The following CTNNA3 variants were observed in gnomAD, a reference collection of about 807,000 sequenced individuals.
CTNNA3 encodes catenin alpha-3.
Under a neutral mutation model 95.7 loss-of-function variants are expected in CTNNA3, and 76 were observed. That is an observed-to-expected ratio of 0.79 (90% CI 0.66 to 0.96). The LOEUF (loss-of-function observed/expected upper bound fraction) is 0.96. CTNNA3 is among the 40% of genes least tolerant of loss of function. CTNNA3 has a pLI of 0.00. For synonymous variants in CTNNA3, 431 were observed against 374.4 expected (o/e 1.15, Z -1.74); for missense variants, 1,191 against 1,089.8 (o/e 1.09, Z -1.31).
At chr10:66,610,172 A>G (rs779901876) in intron 10 of CTNNA3, among the ~76,000 whole-genome samples, 6 of 152,070 alleles carry the variant, frequency 3.9e-5, no homozygotes, top group Non-Finnish European at 5.9e-5. Context: ...CCTGGGTGAC[A>G]AAATAATCTC....
intron 11 of CTNNA3, among the ~76,000 whole-genome samples, chr10:66,384,283 C>A (rs1013150396): frequency 6.6e-6 from 1 of 152,048 alleles, no homozygotes; most frequent in African/African-American, 2.4e-5. Flanking sequence ...CAAAAAAAAG[C>A]AGGGGTTGCA....
In CTNNA3 at chr10:66,927,250, A is replaced by C. The variant is rs749668716; in HGVS notation, c.1048-151726T>G. The C allele has an allele frequency of 1.2e-6, 2 of 1,614,160 alleles. No homozygotes were observed. On this transcript the variant is annotated intron_variant, in intron 7 of 17. Coordinates refer to ENST00000433211, the MANE Select transcript of CTNNA3 (RefSeq NM_013266.4). This position sits in a 1 kb window ranked among gnomAD's most constrained non-coding sequence, Gnocchi z 4.7. ...TGCTTTTAATGGAATACGCAGACTC[A>C]AAGAGCTGATTCTTAGTTCCAATAG...
chr10:65,949,068 T>C (rs1158068979), intron 17 of CTNNA3, among the ~76,000 whole-genome samples: 1 of 100,834 alleles, frequency 9.9e-6, no homozygotes, highest in East Asian at 3.1e-4. Flanking sequence ...ACAAACTCTA[T>C]TTATGAAATA....
intron 11 of CTNNA3, among the ~76,000 whole-genome samples, chr10:66,421,530 A>T (rs1336958001): frequency 6.6e-6 from 1 of 152,062 alleles, no homozygotes; most frequent in Non-Finnish European, 1.5e-5. Flanking sequence ...TAAATATGTA[A>T]AATATTATGT....
intron 15 of CTNNA3, among the ~76,000 whole-genome samples, chr10:66,030,231 G>A (rs183886909): frequency 1.3e-5 from 2 of 152,016 alleles, no homozygotes; most frequent in African/African-American, 4.8e-5. Context: ...TCTAAAATTT[G>A]TATGGAATCA....
chr10:67,124,375 G>GTGTGTGTGT (rs1564907325), intron 7 of CTNNA3, among the ~76,000 whole-genome samples: 13 of 122,878 alleles, frequency 1.1e-4, no homozygotes, highest in African/African-American at 3.7e-4. Flanking sequence ...TGTGTGTGTG[G>GTGTGTGTGT]TCTATAAATG....
At position 66,412,046 on chromosome 10, in the gene CTNNA3, G is replaced by T. The variant is rs78590538; in HGVS notation, c.1532-32694C>A. Among the ~76,000 whole-genome samples the T allele has an allele frequency of 0.018, 2,750 of 152,166 alleles. 198 individuals are homozygous for T. In the East Asian group the frequency reaches 0.24, roughly 13 times the overall value. On this transcript the variant is annotated intron_variant, in intron 11 of 17. Coordinates refer to ENST00000433211, the MANE Select transcript of CTNNA3 (RefSeq NM_013266.4). ...AACTTTGGGCCTAGAAGTTTCCTAC[G>T]GCAAAATTGTGGATCCAAGTACAAG...
chr10:66,284,926 CTTCTT>C (rs1034061067), intron 12 of CTNNA3, among the ~76,000 whole-genome samples: 4 of 151,684 alleles, frequency 2.6e-5, no homozygotes, highest in African/African-American at 9.7e-5. Flanking sequence ...ACTTTATACT[CTTCTT>C]TTTTTCATTT....
chr10:66,262,829 T>C (rs2091044653), intron 13 of CTNNA3, among the ~76,000 whole-genome samples: 1 of 151,972 alleles, frequency 6.6e-6, no homozygotes, highest in Non-Finnish European at 1.5e-5. Context: ...TAACTGATAT[T>C]TATTTTATGT....
intron 12 of CTNNA3, among the ~76,000 whole-genome samples, chr10:66,352,863 A>G (rs1345958914): frequency 1.3e-5 from 2 of 152,072 alleles, no homozygotes; most frequent in African/African-American, 4.8e-5. Flanking sequence ...AACAAACAAA[A>G]GCACTCATTA....
chr10:66,840,745 G>T (rs1266740808), intron 7 of CTNNA3, among the ~76,000 whole-genome samples: 3 of 151,806 alleles, frequency 2.0e-5, no homozygotes, highest in Non-Finnish European at 1.5e-5. Flanking sequence ...TAAAACTTAA[G>T]ATACATCTTC....
At chr10:66,853,287 C>G (rs1456577005) in intron 7 of CTNNA3, among the ~76,000 whole-genome samples, 2 of 151,818 alleles carry the variant, frequency 1.3e-5, no homozygotes, top group African/African-American at 4.8e-5. Flanking sequence ...TATTATCCGG[C>G]CCGTTAGAGA....
At chr10:66,922,206 G>T (rs540105266) in intron 7 of CTNNA3, among the ~76,000 whole-genome samples, 2 of 152,202 alleles carry the variant, frequency 1.3e-5, no homozygotes, top group East Asian at 1.9e-4. Context: ...TATTTAACTC[G>T]TCAGGTAGTT....
At chr10:66,574,306 A>G (rs563037259) in intron 10 of CTNNA3, among the ~76,000 whole-genome samples, 10 of 152,262 alleles carry the variant, frequency 6.6e-5, no homozygotes, top group Middle Eastern at 3.4e-3. Flanking sequence ...TGTAATAATT[A>G]CTACCATGTT....
intron 12 of CTNNA3, among the ~76,000 whole-genome samples, chr10:66,325,590 G>T (rs1049548317): frequency 2.6e-5 from 4 of 152,006 alleles, no homozygotes; most frequent in African/African-American, 7.2e-5. Flanking sequence ...ACAATGAAGG[G>T]TTGTTCTGAG....
At chr10:66,173,473 C>T (rs535275353) in intron 13 of CTNNA3, among the ~76,000 whole-genome samples, 4 of 151,694 alleles carry the variant, frequency 2.6e-5, no homozygotes, top group African/African-American at 9.7e-5. Context: ...TTGCTTGAAC[C>T]CAGGAGTTTG....
rs940071676 is a variant in CTNNA3, at chr10:67,175,720, T to C, written c.1047+4597A>G. Among the ~76,000 whole-genome samples, 27 of 152,262 alleles carry C rather than the reference T, an allele frequency of 1.8e-4. No homozygotes were observed. In the East Asian group the frequency reaches 5.0e-3, roughly 28 times the overall value. ...CCTGAATATTAACTTTACTAATAAT[T>C]ATATGTCACCTATCTAACACATCCA... On this transcript the variant is annotated intron_variant, in intron 7 of 17. Transcript: ENST00000433211.
chr10:66,945,027 C>T (rs1308010996), intron 7 of CTNNA3, among the ~76,000 whole-genome samples: 1 of 152,076 alleles, frequency 6.6e-6, no homozygotes, highest in Non-Finnish European at 1.5e-5. Flanking sequence ...TTCTTAAGGG[C>T]CCCAGGATTT....
At chr10:67,350,565 TAA>T (rs11338454) in intron 5 of CTNNA3, among the ~76,000 whole-genome samples, 2,488 of 125,024 alleles carry the variant, frequency 0.02, 61 homozygotes, top group African/African-American at 0.067. Context: ...AAATGGTTAG[TAA>T]AAAAAAAAAA....
Sources: gnomAD v4.1 joint callset for allele counts (sites outside exome capture counted in the v4.1 genomes callset) on GRCh38, gnomAD v4.1.1 for gene constraint, Gnocchi (gnomAD v3.1) non-coding constraint, MANE v1.5 for transcripts, NCBI Gene and HGNC (gene_info 2026-07-23, HGNC 2026-07-21) for gene names.